Variants in PDE4D observed in about 807,000 individuals in gnomAD.
The protein encoded by PDE4D is phosphodiesterase 4D.
A neutral mutation model predicts 87.4 loss-of-function variants in PDE4D; 24 were observed. The observed-to-expected ratio is 0.27, with a 90% CI of 0.20 to 0.39. PDE4D has a LOEUF of 0.39. PDE4D is among the 10% of genes least tolerant of loss of function. PDE4D has a pLI of 1.00. For missense variants in PDE4D, 714 were observed against 1,041.0 expected, an observed-to-expected ratio of 0.69 and a Z score of 4.32; for synonymous variants, 384 against 383.2, an observed-to-expected ratio of 1.00 and a Z score of -0.02.
At chr5:60,144,107 C>T (rs1183780761) in intron 2 of PDE4D, among the ~76,000 whole-genome samples, 1 of 152,186 alleles carries the variant, frequency 6.6e-6, no homozygotes, top group Non-Finnish European at 1.5e-5. Flanking sequence ...TTCCTCCACT[C>T]ATCCTCCCAG....
At chr5:59,361,938 T>C (rs1258737292) in intron 1 of PDE4D, among the ~76,000 whole-genome samples, 1 of 152,178 alleles carries the variant, frequency 6.6e-6, no homozygotes, top group Non-Finnish European at 1.5e-5. Flanking sequence ...CCTATTTGAT[T>C]GATTAATTAA....
At chr5:60,043,516 G>A (rs1396425044) in intron 2 of PDE4D, among the ~76,000 whole-genome samples, 1 of 152,080 alleles carries the variant, frequency 6.6e-6, no homozygotes, top group Non-Finnish European at 1.5e-5. Context: ...AGGTCGAAAT[G>A]GAGGAAAAAA....
intron 2 of PDE4D, among the ~76,000 whole-genome samples, chr5:60,158,589 G>T (rs750116795): frequency 6.6e-6 from 1 of 152,076 alleles, no homozygotes; most frequent in Non-Finnish European, 1.5e-5. Context: ...TTGAGACAAA[G>T]TCTCGCCCTG....
rs564125628 is a variant in PDE4D, at chr5:59,818,940, G to C, written c.455+74228C>G. Among the ~76,000 whole-genome samples the C allele has an allele frequency of 1.2e-4, 17 of 143,158 alleles. No homozygotes were observed. In the South Asian group the frequency reaches 3.9e-3, roughly 33 times the overall value. 93.9% of individuals were successfully genotyped at this position (143,158 alleles called of 152,430 possible). On this transcript the variant is annotated intron_variant, in intron 1 of 14. Coordinates refer to ENST00000340635, the MANE Select transcript of PDE4D (RefSeq NM_001104631.2). ...AAATTGAAAAGAAAGAGATAAATAG[G>C]GGGGGAATTTTAAGGACCATTAGTA...
intron 5 of PDE4D, among the ~76,000 whole-genome samples, chr5:59,152,592 C>T (rs13160617): frequency 0.14 from 20,648 of 152,042 alleles, 1,531 homozygotes; most frequent in South Asian, 0.16. Context: ...GAAGCTAAAC[C>T]GGTCATCCAA....
rs182111854 is a variant in PDE4D, at chr5:60,056,435, C to T, written c.43-67718G>A. On this transcript the variant is annotated intron_variant, in intron 2 of 16. Transcript: ENST00000502484. ...CAATCTGTCAAAAAAAAAGCATAGC[C>T]AGCCACAGGGATCAGTGTTTTTATG... Among the ~76,000 whole-genome samples, 27 of 152,040 alleles carry T rather than the reference C, an allele frequency of 1.8e-4. 2 individuals carry two copies. In the East Asian group the frequency reaches 2.3e-3, roughly 13 times the overall value.
intron 1 of PDE4D, among the ~76,000 whole-genome samples, chr5:60,234,881 T>C (rs1746248460): frequency 6.6e-6 from 1 of 151,792 alleles, no homozygotes; most frequent in Non-Finnish European, 1.5e-5. Context: ...CCAAAATTAC[T>C]GATAGAAAAA....
chr5:59,213,107 C>T (rs957913893), intron 2 of PDE4D, among the ~76,000 whole-genome samples: 4 of 150,612 alleles, frequency 2.7e-5, no homozygotes, highest in Admixed American at 2.6e-4. Context: ...TTTTACTCTT[C>T]TTCTCCTTCT....
At chr5:59,914,682 TAAG>T (rs1192666786) in intron 3 of PDE4D, among the ~76,000 whole-genome samples, 1 of 151,732 alleles carries the variant, frequency 6.6e-6, no homozygotes, top group East Asian at 1.9e-4. Flanking sequence ...AGTTTTATTT[TAAG>T]AAGATCATAC....
chr5:60,507,389 A>G (rs1239757829), intron 1 of PDE4D, among the ~76,000 whole-genome samples: 2 of 152,180 alleles, frequency 1.3e-5, no homozygotes, highest in Non-Finnish European at 2.9e-5. Flanking sequence ...TGATATTTTA[A>G]AACTGTAATT....
chr5:59,104,362 G>A (rs192797312), intron 5 of PDE4D, among the ~76,000 whole-genome samples: 23 of 152,306 alleles, frequency 1.5e-4, no homozygotes, highest in East Asian at 1.2e-3. Context: ...CACAGTAAGC[G>A]TTGGATAACC....
In PDE4D at chr5:59,039,082, C is replaced by T. The variant is rs1759110580; in HGVS notation, c.809-111G>A. On this transcript the variant is annotated intron_variant, in intron 5 of 14. Coordinates refer to ENST00000340635, the MANE Select transcript of PDE4D (RefSeq NM_001104631.2). ...CCCCGCCATGCTCGGATGCCCGGTG[C>T]CGGCACATGAGGGCTGCTCCTTCAT... The T allele has an allele frequency of 6.1e-6, 9 of 1,482,530 alleles. No homozygotes were observed. The East Asian group carries it at 1.9e-4, about 31-fold the overall frequency. The allele number at this position is 1,482,530 out of a possible 1,614,324, so 91.8% of individuals were successfully genotyped here.
chr5:59,977,139 G>C, intron 3 of PDE4D, among the ~76,000 whole-genome samples: 1 of 152,176 alleles, frequency 6.6e-6, no homozygotes, highest in Non-Finnish European at 1.5e-5. Context: ...GACATAATAA[G>C]GCTTAGTGAG....
chr5:59,180,077 T>C (rs913062135), intron 5 of PDE4D, among the ~76,000 whole-genome samples: 2 of 152,214 alleles, frequency 1.3e-5, no homozygotes, highest in Admixed American at 6.5e-5. Flanking sequence ...TTTTTCTGCA[T>C]TGTATATTAA....
At chr5:59,234,472 C>G (rs1298233633) in intron 1 of PDE4D, among the ~76,000 whole-genome samples, 1 of 152,180 alleles carries the variant, frequency 6.6e-6, no homozygotes, top group Non-Finnish European at 1.5e-5. Flanking sequence ...ATTTTTCTAA[C>G]CAGCTATACA....
chr5:59,430,546 T>C, intron 1 of PDE4D: 1 of 655,930 alleles, frequency 1.5e-6, no homozygotes, highest in Non-Finnish European at 2.2e-6. Context: ...CGGTGCTTCT[T>C]TGCTTCAAAA....
At position 60,511,130 on chromosome 5, in the gene PDE4D, G is replaced by A. The variant is rs377530732; in HGVS notation, n.70+10921C>T. ...GATTATAGGTGCTTGCCACCATGCCGAGATAATTTTTGTATTTTCAGTAGA... is the reference window on the plus strand; with the variant it reads ...GATTATAGGTGCTTGCCACCATGCCAAGATAATTTTTGTATTTTCAGTAGA... On this transcript the variant is annotated intron_variant and non_coding_transcript_variant, in intron 1 of 2. Transcript: ENST00000506510. Among the ~76,000 whole-genome samples the A allele has an allele frequency of 1.1e-4, 16 of 152,034 alleles. No individual in the cohort carries two copies. In the South Asian group the frequency reaches 2.1e-3, roughly 20 times the overall value.
chr5:59,774,971 A>G (rs1028263732), intron 1 of PDE4D, among the ~76,000 whole-genome samples: 5 of 152,198 alleles, frequency 3.3e-5, no homozygotes, highest in Non-Finnish European at 7.3e-5. Flanking sequence ...CTGGGATTAC[A>G]GGTATGAGCC....
chr5:59,621,777 T>C (rs577256352), intron 1 of PDE4D, among the ~76,000 whole-genome samples: 1 of 152,286 alleles, frequency 6.6e-6, no homozygotes, highest in East Asian at 1.9e-4. Context: ...TACTTGACTT[T>C]TTCCTTACCT....
Sources: allele counts gnomAD v4.1 joint callset (sites outside exome capture counted in the v4.1 genomes callset), GRCh38; gene constraint gnomAD v4.1.1; transcripts MANE v1.5; gene names NCBI Gene and HGNC (gene_info 2026-07-23, HGNC 2026-07-21).